Variants in ATP9A observed in about 807,000 individuals in gnomAD.
ATP9A encodes the protein ATPase phospholipid transporting 9A, also known as probable phospholipid-transporting ATPase IIA.
A neutral mutation model predicts 144.1 loss-of-function variants in ATP9A; 52 were observed. That is an observed-to-expected ratio of 0.36 (90% CI 0.29 to 0.45). The LOEUF is 0.45. Among genes scored for constraint, ATP9A ranks in the 20% least tolerant of loss-of-function variants. ATP9A has a pLI of 1.00. For synonymous variants in ATP9A, 582 were observed against 557.4 expected (o/e 1.04, Z -0.62); for missense variants, 947 against 1,392.7 (o/e 0.68, Z 5.09).
At chr20:51,729,735 A>C (rs2077731810) in intron 2 of ATP9A, 99 bp downstream of exon 2, 1 of 1,356,964 alleles carries the variant, frequency 7.4e-7, no homozygotes, top group Admixed American at 2.9e-5. Flanking sequence ...ACAGAGTAAG[A>C]CTCTGTCTAA....
rs1489378104 is a variant in ATP9A at position 51,688,983 on chromosome 20, C to A, written c.799+81G>T. On this transcript the variant is annotated intron_variant, in intron 9 of 27. Transcript: ENST00000338821. Reference sequence around the variant, plus strand: ...TTTGACCGAGCACTCATTTTTCCAACTGACAGATGATTATTCTAATTACAA... The same window carrying A: ...TTTGACCGAGCACTCATTTTTCCAAATGACAGATGATTATTCTAATTACAA... 12 of 1,465,292 alleles carry A rather than the reference C, an allele frequency of 8.2e-6. No homozygotes were observed. In the African/African-American group the frequency reaches 1.3e-4, roughly 15 times the overall value. The allele number at this position is 1,465,292 out of a possible 1,614,324, so 90.8% of individuals were successfully genotyped here.
chr20:51,762,324 C>T (rs560653673), intron 1 of ATP9A, among the ~76,000 whole-genome samples: 1 of 152,216 alleles, frequency 6.6e-6, no homozygotes, highest in Admixed American at 6.5e-5. Context: ...CACGGTGAAA[C>T]CCCATCTCTA....
intron 3 of ATP9A, among the ~76,000 whole-genome samples, 170 bp downstream of exon 3, chr20:51,725,649 G>A (rs556489273): frequency 1.3e-5 from 2 of 152,320 alleles, no homozygotes; most frequent in Non-Finnish European, 2.9e-5. Flanking sequence ...GGCGGTATAT[G>A]AAATGGAGCT....
chr20:51,624,689 C>T (rs530462940), intron 18 of ATP9A, among the ~76,000 whole-genome samples: 5 of 152,128 alleles, frequency 3.3e-5, no homozygotes, highest in East Asian at 1.9e-4. Flanking sequence ...TAAAGGCAAA[C>T]GCTACACAAG....
chr20:51,642,726 CAAAAAAAAAAAAAAAAAAAAAAAA>C (rs778440862), intron 14 of ATP9A, among the ~76,000 whole-genome samples: 4 of 31,110 alleles, frequency 1.3e-4, no homozygotes, highest in Admixed American at 9.3e-4. Context: ...ACTCTGTCTC[CAAAAAAAAAAAAAAAAAAAAAAAA>C]AAAAAAAAAA....
chr20:51,762,444 A>G (rs2077884801), intron 1 of ATP9A, among the ~76,000 whole-genome samples: 1 of 151,522 alleles, frequency 6.6e-6, no homozygotes, highest in Non-Finnish European at 1.5e-5. Flanking sequence ...GCAGTGAGCC[A>G]AGATCACACC....
intron 19 of ATP9A, among the ~76,000 whole-genome samples, chr20:51,619,697 C>T (rs2077218704): frequency 6.6e-6 from 1 of 151,466 alleles, no homozygotes; most frequent in African/African-American, 2.4e-5. Context: ...GGAGAAACCC[C>T]ATCTCTACTA....
At chr20:51,638,847 C>T (rs1325464414) in intron 15 of ATP9A, among the ~76,000 whole-genome samples, 2 of 152,054 alleles carry the variant, frequency 1.3e-5, no homozygotes, top group African/African-American at 4.8e-5. Context: ...AGAAAAACAA[C>T]ATATCAAATC....
intron 14 of ATP9A, among the ~76,000 whole-genome samples, chr20:51,646,839 A>G (rs2092575): frequency 0.85 from 129,346 of 152,202 alleles, 55,053 homozygotes; most frequent in Non-Finnish European, 0.86. Flanking sequence ...ACTTCTTGCC[A>G]GGCGCAGTGG....
At position 51,655,527 on chromosome 20, in the gene ATP9A, A is replaced by G. The variant is rs966543044; in HGVS notation, c.1506+1411T>C. Among the ~76,000 whole-genome samples, 3 of 152,214 alleles carry G rather than the reference A, an allele frequency of 2.0e-5. No homozygotes were observed. The South Asian group carries it at 6.2e-4, about 32-fold the overall frequency. On this transcript the variant is annotated intron_variant, in intron 14 of 27. Coordinates refer to ENST00000338821, the MANE Select transcript of ATP9A (RefSeq NM_006045.3). ...ACAAATGGCCAATAAGCATACGAAA[A>G]GACGCTCAACATCAGGGGCCATCCG...
chr20:51,604,277 AGGTGCTCCCACGTCTAC>A (rs2077154573), intron 27 of ATP9A, among the ~76,000 whole-genome samples: 1 of 152,186 alleles, frequency 6.6e-6, no homozygotes, highest in Admixed American at 6.5e-5. Flanking sequence ...GGCACACGGC[AGGTGCTCCCACGTCTAC>A]GGAACTGGCG....
chr20:51,729,151 CAT>C, intron 2 of ATP9A, among the ~76,000 whole-genome samples: 1 of 152,184 alleles, frequency 6.6e-6, no homozygotes, highest in East Asian at 1.9e-4. Flanking sequence ...ATATTGACTA[CAT>C]GTGTCATGAT....
chr20:51,702,618 G>A (rs201556650), intron 4 of ATP9A, among the ~76,000 whole-genome samples: 5 of 152,030 alleles, frequency 3.3e-5, no homozygotes, highest in Non-Finnish European at 7.4e-5. Flanking sequence ...GGAGAGAAAA[G>A]AGAGACCAAA....
intron 4 of ATP9A, among the ~76,000 whole-genome samples, chr20:51,706,471 A>G (rs763431124): frequency 6.6e-6 from 1 of 152,252 alleles, no homozygotes; most frequent in African/African-American, 2.4e-5. Context: ...CTAGAAGACT[A>G]CAGACTAGGC....
At chr20:51,660,679 AT>A (rs2077407004) in intron 13 of ATP9A, among the ~76,000 whole-genome samples, 1 of 152,236 alleles carries the variant, frequency 6.6e-6, no homozygotes, top group Non-Finnish European at 1.5e-5. Context: ...CCAAATGGTC[AT>A]GCGCATACAT....
chr20:51,632,948 C>T (rs1218452919), intron 15 of ATP9A, among the ~76,000 whole-genome samples: 1 of 152,010 alleles, frequency 6.6e-6, no homozygotes, highest in Non-Finnish European at 1.5e-5. Context: ...CATGGTGAAA[C>T]CCCGTCTCTA....
chr20:51,720,816 A>G (rs1183851762), intron 3 of ATP9A, among the ~76,000 whole-genome samples: 2 of 152,202 alleles, frequency 1.3e-5, no homozygotes, highest in African/African-American at 2.4e-5. Context: ...TCTAGGCGAC[A>G]CAGCGAGACT....
chr20:51,717,114 G>C (rs1477447396), intron 3 of ATP9A, among the ~76,000 whole-genome samples: 1 of 147,482 alleles, frequency 6.8e-6, no homozygotes, highest in African/African-American at 2.5e-5. Flanking sequence ...GGAAGTTACA[G>C]TGAGCTGAGA....
intron 18 of ATP9A, 68 bp downstream of exon 18, chr20:51,625,124 T>G: frequency 1.3e-6 from 2 of 1,493,636 alleles, no homozygotes; most frequent in Non-Finnish European, 1.8e-6. Flanking sequence ...CCCTGTGATC[T>G]CCCTGCACTG....
Sources: gnomAD v4.1 joint callset for allele counts (sites outside exome capture counted in the v4.1 genomes callset) on GRCh38, gnomAD v4.1.1 for gene constraint, MANE v1.5 for transcripts, NCBI Gene and HGNC (gene_info 2026-07-23, HGNC 2026-07-21) for gene names.